The following CTNNA2 variants were observed in gnomAD, a reference collection of about 807,000 sequenced individuals.
CTNNA2 encodes the protein catenin alpha-2.
CTNNA2 carries 42 observed loss-of-function variants against 101.0 expected under a neutral mutation model. The ratio of observed to expected loss-of-function variants is 0.42; its 90% CI spans 0.32 to 0.54. The LOEUF is 0.54. Ranked by LOEUF, CTNNA2 falls within the 20% of genes least tolerant of loss-of-function variation. CTNNA2 has a pLI of 0.14. For missense variants in CTNNA2, 871 were observed against 1,223.1 expected, an observed-to-expected ratio of 0.71 and a Z score of 4.29; for synonymous variants, 450 against 456.4, an observed-to-expected ratio of 0.99 and a Z score of 0.18.
At chr2:79,942,387 C>A (rs1688218226) in intron 7 of CTNNA2, among the ~76,000 whole-genome samples, 1 of 152,176 alleles carries the variant, frequency 6.6e-6, no homozygotes, top group Admixed American at 6.5e-5. Context: ...TCATGCCTCT[C>A]TTGGTGATAT....
chr2:80,324,156 T>G (rs1184619754), intron 7 of CTNNA2, among the ~76,000 whole-genome samples: 1 of 152,214 alleles, frequency 6.6e-6, no homozygotes. Flanking sequence ...GTTACAAATT[T>G]ACCTGTTCTA....
At chr2:79,526,729 G>T (rs1041746973) in intron 1 of CTNNA2, among the ~76,000 whole-genome samples, 2 of 152,064 alleles carry the variant, frequency 1.3e-5, no homozygotes. Flanking sequence ...ATGGGGGAAA[G>T]AATAGTTATT....
chr2:79,648,647 T>C (rs947841828), intron 1 of CTNNA2, among the ~76,000 whole-genome samples: 1 of 152,156 alleles, frequency 6.6e-6, no homozygotes, highest in African/African-American at 2.4e-5. Flanking sequence ...ATGGCTGATA[T>C]GAAGCTAAAA....
At chr2:79,370,662 G>T (rs1422981817) in intron 3 of CTNNA2, among the ~76,000 whole-genome samples, 1 of 151,608 alleles carries the variant, frequency 6.6e-6, no homozygotes, top group Non-Finnish European at 1.5e-5. Context: ...AACCCACTGA[G>T]AATATAATTA....
At chr2:80,268,259 G>A (rs1268364408) in intron 7 of CTNNA2, among the ~76,000 whole-genome samples, 3 of 152,308 alleles carry the variant, frequency 2.0e-5, no homozygotes, top group East Asian at 1.9e-4. Context: ...GGTGGGTACC[G>A]GCTGGACGGG....
intron 6 of CTNNA2, among the ~76,000 whole-genome samples, chr2:79,879,191 C>G (rs1424208947): frequency 6.6e-6 from 1 of 152,126 alleles, no homozygotes; most frequent in South Asian, 2.1e-4. Flanking sequence ...GTTTTGGGAC[C>G]AGTACCATGC....
intron 7 of CTNNA2, among the ~76,000 whole-genome samples, chr2:80,164,193 T>TTTTGTTTTCTG (rs200455216): frequency 1.3e-5 from 2 of 151,876 alleles, no homozygotes; most frequent in Non-Finnish European, 2.9e-5. Context: ...CCATTTTATT[T>TTTTGTTTTCTG]TTTGTTTTCT....
intron 17 of CTNNA2, among the ~76,000 whole-genome samples, chr2:80,609,412 G>A (rs987336528): frequency 6.6e-6 from 1 of 151,734 alleles, no homozygotes; most frequent in Non-Finnish European, 1.5e-5. Context: ...TGGAAAGCCT[G>A]TTTCATGCAG....
chr2:79,682,502 A>T (rs1683648843), intron 2 of CTNNA2, among the ~76,000 whole-genome samples: 1 of 151,914 alleles, frequency 6.6e-6, no homozygotes. Context: ...AAGACTTAAG[A>T]TATATAGCCT....
intron 2 of CTNNA2, among the ~76,000 whole-genome samples, chr2:79,208,200 C>T (rs972416521): frequency 1.3e-5 from 2 of 152,092 alleles, no homozygotes; most frequent in African/African-American, 4.8e-5. Flanking sequence ...ATTGCAATAG[C>T]CTGGGTAAGA....
intron 7 of CTNNA2, among the ~76,000 whole-genome samples, chr2:80,070,996 C>T (rs1698303640): frequency 1.3e-5 from 2 of 152,316 alleles, no homozygotes; most frequent in South Asian, 4.1e-4. Context: ...AATAATCTTC[C>T]TATCTCAAGA....
At chr2:79,322,278 C>T (rs1187071050) in intron 3 of CTNNA2, among the ~76,000 whole-genome samples, 2 of 152,142 alleles carry the variant, frequency 1.3e-5, no homozygotes, top group African/African-American at 4.8e-5. Context: ...GTGATATAGA[C>T]TGCGGGGGGC....
intron 7 of CTNNA2, among the ~76,000 whole-genome samples, chr2:80,161,274 C>T (rs1315695795): frequency 6.6e-6 from 1 of 152,120 alleles, no homozygotes; most frequent in Non-Finnish European, 1.5e-5. Context: ...CCTCAGCCTC[C>T]CAAAGTGCTG....
chr2:80,304,907 CAAA>C (rs56174873), intron 7 of CTNNA2, among the ~76,000 whole-genome samples: 102 of 73,816 alleles, frequency 1.4e-3, no homozygotes, highest in African/African-American at 3.2e-3. Flanking sequence ...GTCCATATTT[CAAA>C]AAAAAAAAAA....
chr2:79,984,371 CCTT>C (rs1691607607), intron 7 of CTNNA2, among the ~76,000 whole-genome samples: 1 of 151,788 alleles, frequency 6.6e-6, no homozygotes, highest in Admixed American at 6.6e-5. Flanking sequence ...TGATCCAAGT[CCTT>C]CTTCTCACTT....
At chr2:80,266,065 T>TG (rs764974969) in intron 7 of CTNNA2, among the ~76,000 whole-genome samples, 3 of 152,234 alleles carry the variant, frequency 2.0e-5, no homozygotes, top group Non-Finnish European at 4.4e-5. Context: ...TTTCCCCATT[T>TG]GAGAAATTAC....
At chr2:80,225,159 T>A (rs1415482981) in intron 7 of CTNNA2, among the ~76,000 whole-genome samples, 7 of 152,192 alleles carry the variant, frequency 4.6e-5, no homozygotes, top group African/African-American at 7.2e-5. Context: ...TTTGTGTTGC[T>A]GTCCCCAAGT....
intron 15 of CTNNA2, among the ~76,000 whole-genome samples, chr2:80,594,947 C>T (rs557858245): frequency 6.6e-6 from 1 of 152,082 alleles, no homozygotes; most frequent in South Asian, 2.1e-4. Context: ...TGTGAGGTCT[C>T]CAATTTTTGT....
chr2:79,582,394 A>G (rs1017294448), intron 1 of CTNNA2, among the ~76,000 whole-genome samples: 1 of 152,160 alleles, frequency 6.6e-6, no homozygotes, highest in Non-Finnish European at 1.5e-5. Flanking sequence ...TATCATATAG[A>G]TGCTAGAACT....
Sources: gnomAD v4.1 joint callset for allele counts (sites outside exome capture counted in the v4.1 genomes callset) on GRCh38, gnomAD v4.1.1 for gene constraint, MANE v1.5 for transcripts, NCBI Gene and HGNC (gene_info 2026-07-23, HGNC 2026-07-21) for gene names.